EYS: variants seen among roughly 807,000 people sequenced by gnomAD.
The protein encoded by EYS is EGF-like photoreceptor maintenance factor.
Under a neutral mutation model 282.1 loss-of-function variants are expected in EYS, and 250 were observed. The observed-to-expected ratio is 0.89, with a 90% CI of 0.80 to 0.98. The LOEUF (loss-of-function observed/expected upper bound fraction) is 0.98, where lower values mean the gene tolerates loss of function less well. Ranked by LOEUF, EYS falls within the 50% of genes least tolerant of loss-of-function variation. The pLI, the probability that EYS is intolerant of heterozygous loss-of-function variation, is 0.00. For missense variants in EYS, 4,016 were observed against 3,709.0 expected, an observed-to-expected ratio of 1.08 and a Z score of -2.15; for synonymous variants, 1,355 against 1,282.9, an observed-to-expected ratio of 1.06 and a Z score of -1.20.
intron 22 of EYS, among the ~76,000 whole-genome samples, chr6:64,695,521 T>C (rs1770545486): frequency 6.6e-6 from 1 of 151,944 alleles, no homozygotes; most frequent in Non-Finnish European, 1.5e-5. Flanking sequence ...AAGGAAATCA[T>C]ACAGAGTATA....
intron 4 of EYS, among the ~76,000 whole-genome samples, chr6:65,492,321 G>A (rs199789403): frequency 5.0e-5 from 5 of 99,642 alleles, no homozygotes; most frequent in Admixed American, 9.9e-5. Context: ...GAGAAAGAAA[G>A]AAGAAAGAAA....
intron 30 of EYS, among the ~76,000 whole-genome samples, chr6:64,276,137 C>T (rs1768110042): frequency 6.6e-6 from 1 of 151,820 alleles, no homozygotes; most frequent in East Asian, 1.9e-4. Context: ...CTTTAGATAC[C>T]CCTTGAACTT....
intron 12 of EYS, among the ~76,000 whole-genome samples, chr6:65,194,766 A>G (rs1482677216): frequency 1.3e-5 from 2 of 151,918 alleles, no homozygotes; most frequent in Admixed American, 1.3e-4. Flanking sequence ...ATTGAGGAGA[A>G]CAAGTGACCC....
chr6:64,532,977 G>A (rs763823278), intron 26 of EYS, among the ~76,000 whole-genome samples: 1 of 151,900 alleles, frequency 6.6e-6, no homozygotes, highest in Non-Finnish European at 1.5e-5. Context: ...GAAAAAAAGG[G>A]GACAATATGT....
At chr6:63,864,814 A>G (rs1377540029) in intron 35 of EYS, among the ~76,000 whole-genome samples, 3 of 152,208 alleles carry the variant, frequency 2.0e-5, no homozygotes, top group Non-Finnish European at 4.4e-5. Context: ...CATTTGTAGT[A>G]ATTCTGAAAA....
At chr6:64,184,628 T>C (rs1201430182) in intron 31 of EYS, among the ~76,000 whole-genome samples, 1 of 139,614 alleles carries the variant, frequency 7.2e-6, no homozygotes, top group Non-Finnish European at 1.6e-5. Flanking sequence ...CACTTGAAAC[T>C]ACTTGAAGAG....
chr6:65,443,688 A>C, intron 5 of EYS, among the ~76,000 whole-genome samples: 1 of 146,166 alleles, frequency 6.8e-6, no homozygotes, highest in African/African-American at 2.5e-5. Flanking sequence ...ACACACATAC[A>C]CATATATACA....
chr6:64,023,525 A>T (rs1769295664), intron 33 of EYS, among the ~76,000 whole-genome samples: 1 of 152,186 alleles, frequency 6.6e-6, no homozygotes, highest in Non-Finnish European at 1.5e-5. Context: ...CATGGTCTCG[A>T]TTTTTCCACA....
At chr6:65,566,294 T>A (rs1469402167) in intron 2 of EYS, among the ~76,000 whole-genome samples, 2 of 151,748 alleles carry the variant, frequency 1.3e-5, no homozygotes. Flanking sequence ...AACCACCAAG[T>A]GGCGCACTCA....
At chr6:65,457,054 G>A (rs548124303) in intron 5 of EYS, among the ~76,000 whole-genome samples, 3 of 152,278 alleles carry the variant, frequency 2.0e-5, no homozygotes, top group Admixed American at 2.0e-4. Flanking sequence ...ATAAATCTAT[G>A]CAGATGGAAC....
At chr6:65,051,890 A>C (rs9453166) in intron 13 of EYS, among the ~76,000 whole-genome samples, 6,427 of 151,560 alleles carry the variant, frequency 0.042, 445 homozygotes, top group African/African-American at 0.15. Context: ...TATTAATATT[A>C]ATAGGCAATT....
intron 39 of EYS, among the ~76,000 whole-genome samples, chr6:63,784,247 C>G (rs1350137161): frequency 6.6e-6 from 1 of 152,088 alleles, no homozygotes; most frequent in African/African-American, 2.4e-5. Context: ...TCATGTGACC[C>G]AATTCCTTAT....
intron 31 of EYS, among the ~76,000 whole-genome samples, chr6:64,184,089 T>TGTCCTG (rs1034165983): frequency 5.1e-4 from 78 of 152,268 alleles, no homozygotes; most frequent in African/African-American, 1.6e-3. Flanking sequence ...CCCTCCCGTT[T>TGTCCTG]GTCCTGGTCC....
At chr6:64,873,906 T>C (rs1390788200) in intron 19 of EYS, among the ~76,000 whole-genome samples, 4 of 152,136 alleles carry the variant, frequency 2.6e-5, no homozygotes, top group Middle Eastern at 6.8e-3. Flanking sequence ...ATTAGAAATA[T>C]TAGGGCCAAG....
At chr6:64,724,607 T>C (rs1271022557) in intron 22 of EYS, among the ~76,000 whole-genome samples, 4 of 152,232 alleles carry the variant, frequency 2.6e-5, no homozygotes, top group Non-Finnish European at 5.9e-5. Flanking sequence ...AAATTTCACA[T>C]GCTAACACAA....
At chr6:64,585,836 T>C (rs945038465) in intron 26 of EYS, among the ~76,000 whole-genome samples, 1 of 152,166 alleles carries the variant, frequency 6.6e-6, no homozygotes, top group Admixed American at 6.6e-5. Context: ...TTCTAAGTAT[T>C]ATCTTATTTG....
intron 12 of EYS, among the ~76,000 whole-genome samples, chr6:65,213,923 G>A (rs1330163643): frequency 6.6e-6 from 1 of 151,982 alleles, no homozygotes; most frequent in Non-Finnish European, 1.5e-5. Flanking sequence ...CACTTTGGGA[G>A]GCCGAGGCAG....
rs1419922605 is a variant in EYS, at chr6:64,976,132, A to T, written c.2259+21450T>A. Among the ~76,000 whole-genome samples, 4 of 152,136 alleles carry T rather than the reference A, an allele frequency of 2.6e-5. No homozygotes were observed. In the East Asian group the frequency reaches 7.8e-4, roughly 30 times the overall value. On this transcript the variant is annotated intron_variant, in intron 14 of 42. Coordinates refer to ENST00000503581, the MANE Select transcript of EYS (RefSeq NM_001142800.2). The stretch of plus-strand genomic sequence containing the variant: ...TACAATTATTACTGAAAAGCAAGTG[A>T]CAGTAAAAGAAGCTATCAAACTTTA...
intron 22 of EYS, among the ~76,000 whole-genome samples, chr6:64,641,910 C>G (rs1023280): frequency 6.6e-6 from 1 of 151,952 alleles, no homozygotes; most frequent in Non-Finnish European, 1.5e-5. Context: ...CAGTTTTATC[C>G]CCACACAACT....
Sources: gnomAD v4.1 joint callset for allele counts (sites outside exome capture counted in the v4.1 genomes callset) on GRCh38, gnomAD v4.1.1 for gene constraint, MANE v1.5 for transcripts, NCBI Gene and HGNC (gene_info 2026-07-23, HGNC 2026-07-21) for gene names.